PACRG: variants seen among roughly 807,000 people sequenced by gnomAD.
PACRG encodes parkin coregulated gene protein.
A neutral mutation model predicts 29.7 loss-of-function variants in PACRG; 29 were observed. That is an observed-to-expected ratio of 0.98 (90% CI 0.73 to 1.33). PACRG has a LOEUF of 1.33. Ranked by LOEUF, PACRG falls within the 40% of genes most tolerant of loss-of-function variation. The probability of loss-of-function intolerance (pLI) is 0.00; values close to 1 mark genes in which losing one functional copy is unlikely to be tolerated. For synonymous variants in PACRG, 116 were observed against 118.7 expected, an observed-to-expected ratio of 0.98 and a Z score of 0.15; for missense variants, 279 against 316.2, an observed-to-expected ratio of 0.88 and a Z score of 0.89.
intron 2 of PACRG, among the ~76,000 whole-genome samples, chr6:162,891,241 C>G (rs763172162): frequency 2.0e-5 from 3 of 152,196 alleles, no homozygotes; most frequent in Non-Finnish European, 4.4e-5. Context: ...AACTGCAATG[C>G]TATTGCAGTC....
chr6:162,763,122 A>T (rs2128293529), intron 1 of PACRG, among the ~76,000 whole-genome samples: 1 of 152,366 alleles, frequency 6.6e-6, no homozygotes, highest in Admixed American at 6.5e-5. Context: ...TATCCATTCA[A>T]ACTTGAAATG....
At position 162,840,268 on chromosome 6, in the gene PACRG, C is replaced by T. The variant is rs201365766; in HGVS notation, c.291+25987C>T. ...ATTTGTTTGTATCCTCTTTTATTTC[C>T]TTGAGCAGTGGTTTGTAGTTCTCCT... On this transcript the variant is annotated intron_variant, in intron 2 of 4. Transcript: ENST00000366888. Among the ~76,000 whole-genome samples, 21 of 87,618 alleles carry T rather than the reference C, an allele frequency of 2.4e-4. No homozygotes were observed. The East Asian group carries it at 5.6e-3, about 23-fold the overall frequency. 57.5% of individuals were successfully genotyped at this position (87,618 alleles called of 152,430 possible). A position where few individuals can be genotyped will look rare whatever the true frequency, so the allele number is the denominator to read the frequency against.
Position 162,953,625 on chromosome 6 carries a change from G to A in PACRG, c.292-108525G>A, listed in dbSNP as rs191066605. Among the ~76,000 whole-genome samples the A allele has an allele frequency of 2.0e-3, 296 of 148,118 alleles. 1 individual carries two copies. Among genetic ancestry groups the A allele is most frequent in the Middle Eastern group, 3.4e-3 (1 of 292 alleles). ...ATGAGATAGCAGAGATTTTTCCTTG[G>A]AACTGTCTAGAACTGCCATAGTACT... On this transcript the variant is annotated intron_variant, in intron 2 of 4. Transcript: ENST00000366888.
chr6:162,888,274 G>C (rs1794508207), intron 2 of PACRG, among the ~76,000 whole-genome samples: 5 of 152,034 alleles, frequency 3.3e-5, no homozygotes, highest in Admixed American at 3.3e-4. Flanking sequence ...TGGAGTCTTG[G>C]CCACAACCCT....
chr6:162,912,923 A>C (rs547323337), intron 2 of PACRG, among the ~76,000 whole-genome samples: 22 of 132,226 alleles, frequency 1.7e-4, no homozygotes, highest in Non-Finnish European at 3.0e-4. Context: ...ACAAACAAAC[A>C]AAAAAAAAAA....
intron 1 of PACRG, among the ~76,000 whole-genome samples, chr6:162,747,415 TAACTATAA>T (rs1165535749): frequency 1.7e-5 from 2 of 114,806 alleles, no homozygotes; most frequent in African/African-American, 6.6e-5. Context: ...TATATATATA[TAACTATAA>T]ATATATATGT....
At chr6:162,921,072 A>G (rs552259962) in intron 2 of PACRG, among the ~76,000 whole-genome samples, 1 of 152,364 alleles carries the variant, frequency 6.6e-6, no homozygotes, top group African/African-American at 2.4e-5. Flanking sequence ...TGCAATAATT[A>G]GCTGAACTAC....
chr6:162,887,219 C>T (rs1038506291), intron 2 of PACRG, among the ~76,000 whole-genome samples: 1 of 152,192 alleles, frequency 6.6e-6, no homozygotes, highest in African/African-American at 2.4e-5. Flanking sequence ...TCCCAAAGTG[C>T]TGCAATTATA....
chr6:163,294,079 A>T (rs1784704482), intron 4 of PACRG, among the ~76,000 whole-genome samples: 1 of 152,158 alleles, frequency 6.6e-6, no homozygotes, highest in African/African-American at 2.4e-5. Context: ...TTGGTTAGGA[A>T]ACAGAAGATA....
At chr6:163,225,043 T>C (rs562253344) in intron 4 of PACRG, among the ~76,000 whole-genome samples, 1 of 152,076 alleles carries the variant, frequency 6.6e-6, no homozygotes, top group East Asian at 1.9e-4. Flanking sequence ...AGGATCTGAA[T>C]AGACATTTCT....
At chr6:163,249,899 C>T (rs1472493865) in intron 4 of PACRG, among the ~76,000 whole-genome samples, 1 of 152,158 alleles carries the variant, frequency 6.6e-6, no homozygotes, top group Non-Finnish European at 1.5e-5. Flanking sequence ...AGGGAAGTGA[C>T]GCCAGCTGGC....
At chr6:163,064,418 T>C (rs1157469464) in intron 3 of PACRG, among the ~76,000 whole-genome samples, 2 of 152,078 alleles carry the variant, frequency 1.3e-5, no homozygotes, top group Non-Finnish European at 1.5e-5. Context: ...TCAGGGAAAA[T>C]TAACTAGATA....
chr6:162,764,117 T>A (rs1462597193), intron 1 of PACRG, among the ~76,000 whole-genome samples: 1 of 151,938 alleles, frequency 6.6e-6, no homozygotes, highest in Non-Finnish European at 1.5e-5. Flanking sequence ...CTACTAAAAA[T>A]ACAAAAAATT....
At chr6:163,281,614 A>G (rs1026833467) in intron 4 of PACRG, among the ~76,000 whole-genome samples, 6 of 152,346 alleles carry the variant, frequency 3.9e-5, no homozygotes, top group Non-Finnish European at 5.9e-5. Flanking sequence ...GTAGAAATCT[A>G]TAGCAAGATC....
At chr6:162,983,029 T>G (rs945310661) in intron 2 of PACRG, among the ~76,000 whole-genome samples, 2 of 152,090 alleles carry the variant, frequency 1.3e-5, no homozygotes, top group Admixed American at 1.3e-4. Context: ...ATTTTCCTGT[T>G]GAACGGATCC....
At chr6:163,266,432 G>GT (rs1347456789) in intron 4 of PACRG, among the ~76,000 whole-genome samples, 2 of 152,144 alleles carry the variant, frequency 1.3e-5, no homozygotes, top group Non-Finnish European at 2.9e-5. Context: ...TAAATTATTG[G>GT]TTTTCTGTGA....
In PACRG at chr6:162,895,244, T is replaced by C. The variant is rs1176803620; in HGVS notation, c.291+80963T>C. Among the ~76,000 whole-genome samples the C allele has an allele frequency of 3.1e-5, 4 of 130,304 alleles. No homozygotes were observed. The East Asian group carries it at 9.0e-4, about 29-fold the overall frequency. The allele number at this position is 130,304 out of a possible 152,430, so 85.5% of individuals were successfully genotyped here. A position where few individuals can be genotyped will look rare whatever the true frequency, so the allele number is the denominator to read the frequency against. On this transcript the variant is annotated intron_variant, in intron 2 of 4. Coordinates refer to ENST00000366888, the MANE Select transcript of PACRG (RefSeq NM_001080379.2). ...GTGTTCGTGCCACCGCACTCCAGTC[T>C]GGGTGACAGAGTGAGACCCTCTCTC...
chr6:163,298,467 A>G (rs1237718859), intron 4 of PACRG, among the ~76,000 whole-genome samples: 2 of 152,210 alleles, frequency 1.3e-5, no homozygotes, highest in Non-Finnish European at 2.9e-5. Context: ...ACCTTTCTGA[A>G]CAATCAATGT....
chr6:162,926,807 A>C (rs2321183), intron 2 of PACRG, among the ~76,000 whole-genome samples: 1 of 151,950 alleles, frequency 6.6e-6, no homozygotes, highest in East Asian at 1.9e-4. Context: ...TAGCAAATGG[A>C]ATCTAATTAA....
Sources: allele counts gnomAD v4.1 joint callset (sites outside exome capture counted in the v4.1 genomes callset), GRCh38; gene constraint gnomAD v4.1.1; transcripts MANE v1.5; gene names NCBI Gene and HGNC (gene_info 2026-07-23, HGNC 2026-07-21).